The following SIN3A variants were observed in gnomAD, a reference collection of about 807,000 sequenced individuals.
SIN3A encodes the protein SIN3 transcription regulator family member A.
SIN3A carries 14 observed loss-of-function variants against 146.1 expected under a neutral mutation model. The ratio of observed to expected loss-of-function variants is 0.10; its 90% CI spans 0.06 to 0.15. SIN3A has a LOEUF of 0.15. SIN3A is among the 10% of genes least tolerant of loss of function. The probability of loss-of-function intolerance (pLI) is 1.00; values close to 1 mark genes in which losing one functional copy is unlikely to be tolerated. For missense variants in SIN3A, 1,028 were observed against 1,576.0 expected (o/e 0.65, Z 5.89); for synonymous variants, 572 against 572.0 (o/e 1.00, Z 0.00).
chr15:75,372,009 G>T lies in SIN3A; in HGVS notation c.3792C>A (p.Val1264=), dbSNP rs371572209. The T allele has an allele frequency of 2.5e-6, 4 of 1,614,140 alleles. No homozygotes were observed. Among genetic ancestry groups the T allele is most frequent in the Non-Finnish European group, 3.4e-6 (4 of 1,180,028 alleles). ...GGGCTTTGAATACTGTGCCGTATTT[G>T]ACACGATACTTGTTAATGCTCACAA... ...LHFVSINKYR[V]KYGTVFKAP Residue 1264 remains valine, a synonymous_variant, in exon 21 of 21, where the codon GTC becomes GTA. Coordinates refer to ENST00000394947, the MANE Select transcript of SIN3A (RefSeq NM_001145358.2).
At position 75,407,163 on chromosome 15, in the gene SIN3A, A is replaced by C. The variant is rs377218701; in HGVS notation, c.1318-19T>G. ...GTTTCTTCTGCAAAAGAAAGATACAAACATGTGAGATTCAACGAGTGGTTT... is the reference window on the plus strand; with the variant it reads ...GTTTCTTCTGCAAAAGAAAGATACACACATGTGAGATTCAACGAGTGGTTT... On this transcript the variant is annotated intron_variant, in intron 8 of 20. Transcript: ENST00000394947. The C allele has an allele frequency of 7.2e-6, 11 of 1,523,150 alleles. No homozygotes were observed. In the African/African-American group the frequency reaches 1.4e-4, roughly 19 times the overall value. The allele number at this position is 1,523,150 out of a possible 1,614,324, so 94.4% of individuals were successfully genotyped here. A position where few individuals can be genotyped will look rare whatever the true frequency, so the allele number is the denominator to read the frequency against.
At position 75,401,915 on chromosome 15, in the gene SIN3A, A is replaced by G. The variant is rs1267007077; in HGVS notation, c.1463T>C (p.Val488Ala). The G allele has an allele frequency of 1.9e-6, 3 of 1,614,108 alleles. No individual in the cohort carries two copies. Among genetic ancestry groups the G allele is most frequent in the Non-Finnish European group, 2.5e-6 (3 of 1,179,948 alleles). Residue 488 changes from valine (V) to alanine (A), a missense_variant, in exon 10 of 21, where the codon GTT becomes GCT. By Grantham distance (64) the Val-to-Ala change is moderately conservative. Around this residue, in one of 9 missense-constraint regions of SIN3A, gnomAD observed 157 missense variants for 284.8 expected, o/e 0.55. Coordinates refer to ENST00000394947, the MANE Select transcript of SIN3A (RefSeq NM_001145358.2). ...AGAGATCACCTCCTGGTTAAAAATA[A>G]CAAGACAGCGTAGGAAATTTTCGTA... ...EAYENFLRCL[V>A]IFNQEVISRA...
In SIN3A at chr15:75,436,143, A is replaced by AC. The variant is rs397944762; in HGVS notation, c.-33-5736dup. Among the ~76,000 whole-genome samples, 51 of 151,362 alleles carry AC rather than the reference A, an allele frequency of 3.4e-4. 3 individuals are homozygous for AC. The highest frequency in any genetic ancestry group is 3.4e-3 in the Admixed American group (51 of 15,166). ...AGTGAGACTCTGTCTCAAAAAAAAA[A>AC]CAAAAAAAACAAAAAAGAAAAAGAC... On this transcript the variant is annotated intron_variant, in intron 1 of 20. Transcript: ENST00000394947.
chr15:75,397,048 T>G (rs576677355), intron 12 of SIN3A, among the ~76,000 whole-genome samples: 1 of 152,328 alleles, frequency 6.6e-6, no homozygotes, highest in Non-Finnish European at 1.5e-5. Context: ...CCAGTAATAA[T>G]AAGAGCAGTG....
At chr15:75,377,616 C>T (rs1405021134) in intron 19 of SIN3A, among the ~76,000 whole-genome samples, 1 of 149,614 alleles carries the variant, frequency 6.7e-6, no homozygotes, top group Admixed American at 6.7e-5. Context: ...CAGAGTGAGA[C>T]TCTGCCTCAA....
At chr15:75,450,372 A>G (rs1160280628) in intron 1 of SIN3A, among the ~76,000 whole-genome samples, 1 of 152,154 alleles carries the variant, frequency 6.6e-6, no homozygotes, top group Non-Finnish European at 1.5e-5. Flanking sequence ...CCATTGGCTC[A>G]AAGGAAGCCC....
intron 20 of SIN3A, among the ~76,000 whole-genome samples, chr15:75,373,330 A>G (rs1331620569): frequency 6.6e-6 from 1 of 152,130 alleles, no homozygotes; most frequent in East Asian, 1.9e-4. Context: ...GTGAGCTGAA[A>G]TCATGCCACT....
intron 9 of SIN3A, among the ~76,000 whole-genome samples, chr15:75,403,888 G>A (rs771489740): frequency 2.0e-5 from 3 of 152,118 alleles, no homozygotes; most frequent in Non-Finnish European, 4.4e-5. Flanking sequence ...TCTTTGCCAA[G>A]GCTGTTTTAA....
intron 3 of SIN3A, chr15:75,421,549 G>A (rs1028050372): frequency 6.6e-6 from 1 of 152,148 alleles, no homozygotes; most frequent in Non-Finnish European, 1.5e-5. Context: ...CCACACCAAC[G>A]AGGGCAGGGA....
rs71401694 is a variant in SIN3A, at chr15:75,392,834, A to C, written c.2278-19T>G. 0.07 allele frequency: 108,719 copies of C among 1,546,440 alleles called. 4,440 individuals are homozygous for C. Among genetic ancestry groups the C allele is most frequent in the East Asian group, 0.16 (7,009 of 44,438 alleles). On this transcript the variant is annotated intron_variant, in intron 14 of 20. Coordinates refer to ENST00000394947, the MANE Select transcript of SIN3A (RefSeq NM_001145358.2). ...CTTGCCTCTGATGGGACAGAGACAC[A>C]AAAGTATTCTGTGAGATGTCTACAG...
chr15:75,445,619 T>G (rs1330147479), intron 1 of SIN3A, among the ~76,000 whole-genome samples: 10 of 151,070 alleles, frequency 6.6e-5, no homozygotes, highest in Admixed American at 6.6e-4. Flanking sequence ...GGCGCATGCC[T>G]GTAATCCCAG....
intron 1 of SIN3A, 103 bp downstream of exon 1, chr15:75,451,320 G>A (rs1474617798): frequency 7.7e-6 from 1 of 129,100 alleles, no homozygotes; most frequent in East Asian, 2.4e-4. Flanking sequence ...TGCTCTACGG[G>A]AAGCCGAGGA....
intron 12 of SIN3A, among the ~76,000 whole-genome samples, chr15:75,399,332 T>A (rs1019312164): frequency 1.3e-5 from 2 of 151,980 alleles, no homozygotes; most frequent in Admixed American, 6.6e-5. Context: ...ATCGAGACCA[T>A]CCTGGCTAAC....
At chr15:75,382,229 T>G (rs1350521052) in intron 17 of SIN3A, among the ~76,000 whole-genome samples, 1 of 152,248 alleles carries the variant, frequency 6.6e-6, no homozygotes, top group East Asian at 1.9e-4. Context: ...CTAATCAATA[T>G]ACATGCAGAG....
At chr15:75,398,520 C>CA (rs1293640385) in intron 12 of SIN3A, among the ~76,000 whole-genome samples, 2 of 147,718 alleles carry the variant, frequency 1.4e-5, no homozygotes, top group African/African-American at 4.9e-5. Flanking sequence ...ACTAAAAATA[C>CA]AAAAAAAATT....
In SIN3A at chr15:75,392,574, T is replaced by C. The variant is rs371395364; in HGVS notation, c.2519A>G (p.Glu840Gly). Residue 840 changes from glutamate to glycine, a missense_variant, in exon 15 of 21, where the codon GAA (glutamate) becomes GGA (glycine). Transcript: ENST00000394947. ...TGTGGCTTCATCTACATCCATCTCT[T>C]CTTCTTCCTCTTCCTCCACATCTGA... ...DLSDVEEEEE[E>G]EMDVDEATGA... 155 of 1,614,010 alleles carry C rather than the reference T, an allele frequency of 9.6e-5. No individual in the cohort carries two copies. Among genetic ancestry groups the C allele is most frequent in the Non-Finnish European group, 1.2e-4 (143 of 1,180,028 alleles).
At position 75,392,247 on chromosome 15, in the gene SIN3A, T is replaced by C. The variant is rs374434234; in HGVS notation, c.2846A>G (p.Glu949Gly). The part of the protein sequence containing the change: ...DSPAIQLRLK[E>G]PMDVDVEDYY... ...TCAGAGGTCTCGGCACTCACTAGGT[T>C]CTTTGAGACGTAGCTGAATGGCAGG... The change falls in exon 15 of 21, where the codon GAA (glutamate) becomes GGA (glycine). Residue 949 changes from glutamate to glycine, a missense_variant. Coordinates refer to ENST00000394947, the MANE Select transcript of SIN3A (RefSeq NM_001145358.2). 3.5e-5 allele frequency: 56 copies of C among 1,612,458 alleles called. 1 individual carries two copies. Among genetic ancestry groups the C allele is most frequent in the Non-Finnish European group, 4.7e-5 (55 of 1,178,710 alleles).
At chr15:75,398,232 T>G (rs2073340410) in intron 12 of SIN3A, among the ~76,000 whole-genome samples, 1 of 152,100 alleles carries the variant, frequency 6.6e-6, no homozygotes, top group South Asian at 2.1e-4. Context: ...AAACCAGACT[T>G]CCCTTTTTAA....
At chr15:75,432,299 G>A (rs987544684) in intron 1 of SIN3A, among the ~76,000 whole-genome samples, 2 of 152,068 alleles carry the variant, frequency 1.3e-5, no homozygotes, top group African/African-American at 4.8e-5. Flanking sequence ...TCTTATATAC[G>A]TTCATGACTT....
Sources: gnomAD v4.1 joint callset for allele counts (sites outside exome capture counted in the v4.1 genomes callset) on GRCh38, gnomAD v4.1.1 for gene constraint, gnomAD v4.1.1 regional missense constraint, MANE v1.5 for transcripts, NCBI Gene and HGNC (gene_info 2026-07-23, HGNC 2026-07-21) for gene names.